Variants in WASHC5 observed in about 807,000 individuals in gnomAD.
WASHC5 encodes the protein WASH complex subunit strumpellin.
In WASHC5, 101 loss-of-function variants were observed where a neutral mutation model predicts 150.4. That is an observed-to-expected ratio of 0.67 (90% confidence interval 0.57 to 0.79). The LOEUF is 0.79. Ranked by LOEUF, WASHC5 falls within the 30% of genes least tolerant of loss-of-function variation. The pLI is 0.00. For missense variants in WASHC5, 1,195 were observed against 1,396.3 expected, an observed-to-expected ratio of 0.86 and a Z score of 2.30; for synonymous variants, 467 against 491.2, an observed-to-expected ratio of 0.95 and a Z score of 0.65.
intron 23 of WASHC5, among the ~76,000 whole-genome samples, chr8:125,042,394 G>C (rs1472371633): frequency 6.6e-6 from 1 of 152,158 alleles, no homozygotes; most frequent in Non-Finnish European, 1.5e-5. Context: ...TCATCGAATA[G>C]CACAGAACAT....
At chr8:125,030,056 A>G (rs1248083929) in intron 27 of WASHC5, among the ~76,000 whole-genome samples, 1 of 152,180 alleles carries the variant, frequency 6.6e-6, no homozygotes, top group Non-Finnish European at 1.5e-5. Context: ...CTGTAGCCTG[A>G]TCACCACCCT....
chr8:125,024,988 G>T (rs1428245368), intron 28 of WASHC5, among the ~76,000 whole-genome samples: 1 of 152,030 alleles, frequency 6.6e-6, no homozygotes, highest in Non-Finnish European at 1.5e-5. Flanking sequence ...CAAGTACTCA[G>T]GTCACCTAAT....
chr8:125,024,357 T>G lies in WASHC5; in HGVS notation c.*260A>C. 2 of 538,070 alleles carry G rather than the reference T, an allele frequency of 3.7e-6. No homozygotes were observed. Among genetic ancestry groups the G allele is most frequent in the Non-Finnish European group, 6.7e-6 (2 of 296,784 alleles). The allele number at this position is 538,070 out of a possible 1,614,324, so 33.3% of individuals were successfully genotyped here. On this transcript the variant is annotated 3_prime_UTR_variant, in exon 29 of 29. Transcript: ENST00000318410. The stretch of plus-strand genomic sequence containing the variant: ...ATGGATTTATACATAACAGTTACAT[T>G]CAGCATTTAAGAGAGGCAGTACAAA...
chr8:125,057,986 G>T (rs1816464449), intron 14 of WASHC5, among the ~76,000 whole-genome samples: 1 of 151,950 alleles, frequency 6.6e-6, no homozygotes, highest in South Asian at 2.1e-4. Flanking sequence ...AGCCCCGCAG[G>T]TGATTCTGAT....
At chr8:125,048,912 A>G (rs1381243720) in intron 19 of WASHC5, 94 bp downstream of exon 19, 4 of 1,050,888 alleles carry the variant, frequency 3.8e-6, no homozygotes, top group East Asian at 5.2e-5. Context: ...ACTATCTAGT[A>G]AACTTTCTTG....
rs181478198 is a variant in WASHC5 at position 125,049,203 on chromosome 8, C to T, written c.2200-18G>A. On this transcript the variant is annotated intron_variant, in intron 18 of 28. Coordinates refer to ENST00000318410, the MANE Select transcript of WASHC5 (RefSeq NM_014846.4). ...TCACTTGGCTGTGGAAAAGGGGAAA[C>T]ATAAAGCTCTTACACTGGAGTAGAT... 2.3e-5 allele frequency: 37 copies of T among 1,613,610 alleles called. No individual in the cohort carries two copies. In the African/African-American group the frequency reaches 4.1e-4, roughly 18 times the overall value.
chr8:125,046,513 T>G (rs1245000297), intron 20 of WASHC5, among the ~76,000 whole-genome samples: 2 of 152,208 alleles, frequency 1.3e-5, no homozygotes, highest in Non-Finnish European at 2.9e-5. Flanking sequence ...GCCTAGGAGC[T>G]GGGCTCTGGA....
At chr8:125,071,591 G>A (rs1436033134) in intron 9 of WASHC5, among the ~76,000 whole-genome samples, 2 of 152,168 alleles carry the variant, frequency 1.3e-5, no homozygotes. Context: ...GTTGGCTCCT[G>A]ATTCCTGTAT....
intron 3 of WASHC5, chr8:125,082,883 G>A: frequency 2.3e-6 from 1 of 435,842 alleles, no homozygotes; most frequent in South Asian, 3.4e-5. Context: ...GAAACTATAT[G>A]ACTTAGTTAA....
Position 125,047,498 on chromosome 8 carries a change from C to A in WASHC5, c.2380-167G>T, listed in dbSNP as rs528568118. ...TGTCCCCCAGGCTGGAGTGCAGTGG[C>A]ATGATCTTGGCTCACTGCAACCTCC... On this transcript the variant is annotated intron_variant, in intron 19 of 28. Coordinates refer to ENST00000318410, the MANE Select transcript of WASHC5 (RefSeq NM_014846.4). Among the ~76,000 whole-genome samples, 4 of 149,542 alleles carry A rather than the reference C, an allele frequency of 2.7e-5. No individual in the cohort carries two copies. In the East Asian group the frequency reaches 8.2e-4, roughly 31 times the overall value.
intron 9 of WASHC5, 90 bp from the exon 10 acceptor site, chr8:125,067,809 A>C (rs1816792783): frequency 7.0e-7 from 1 of 1,429,144 alleles, no homozygotes; most frequent in Non-Finnish European, 9.7e-7. Flanking sequence ...CCTTCATTTT[A>C]ACCATTTAAA....
chr8:125,036,642 C>T (rs1193720729), intron 26 of WASHC5, among the ~76,000 whole-genome samples: 1 of 143,444 alleles, frequency 7.0e-6, no homozygotes, highest in Non-Finnish European at 1.5e-5. Context: ...ACTGTACTCC[C>T]ATCTGAGTGA....
At chr8:125,036,969 C>T (rs999073692) in intron 26 of WASHC5, among the ~76,000 whole-genome samples, 44 of 152,202 alleles carry the variant, frequency 2.9e-4, no homozygotes, top group Admixed American at 2.4e-3. Context: ...GCTGAGACCA[C>T]GCCATCGCGC....
At position 125,057,620 on chromosome 8, in the gene WASHC5, T is replaced by C; in HGVS notation, c.1811A>G (p.Asn604Ser). Residue 604 changes from asparagine to serine, a missense_variant, in exon 15 of 29, where the codon AAT becomes AGT. Transcript: ENST00000318410. Reference sequence around the variant, plus strand: ...TGACACGCTGAGCAGGTCGGGGCTATTTGCCTGATTAATACGAAGAAGGGG... The same window carrying C: ...TGACACGCTGAGCAGGTCGGGGCTACTTGCCTGATTAATACGAAGAAGGGG... ...DLPLLRINQANSPDLLSVSQY... is the reference protein window; with the variant it reads ...DLPLLRINQASSPDLLSVSQY... The C allele has an allele frequency of 6.2e-7, 1 of 1,614,030 alleles. No individual in the cohort carries two copies. The highest frequency in any genetic ancestry group is 8.5e-7 in the Non-Finnish European group (1 of 1,179,948).
chr8:125,029,988 A>G (rs1815480424), intron 27 of WASHC5, among the ~76,000 whole-genome samples: 1 of 152,220 alleles, frequency 6.6e-6, no homozygotes, highest in African/African-American at 2.4e-5. Context: ...CATGCGTCAC[A>G]GGTTCCTTAG....
chr8:125,079,614 T>C lies in WASHC5; in HGVS notation c.519-684A>G, dbSNP rs1008201822. ...TCGGAATATAGCATTTTTCAAATAG[T>C]AAGAGTCATATGGCATATAGATCAT... On this transcript the variant is annotated intron_variant, in intron 5 of 28. Coordinates refer to ENST00000318410, the MANE Select transcript of WASHC5 (RefSeq NM_014846.4). Among the ~76,000 whole-genome samples, 12 of 151,358 alleles carry C rather than the reference T, an allele frequency of 7.9e-5. No homozygotes were observed. In the South Asian group the frequency reaches 2.1e-3, roughly 26 times the overall value.
Position 125,068,026 on chromosome 8 carries a change from C to T in WASHC5, c.1151-307G>A, listed in dbSNP as rs16900344. Among the ~76,000 whole-genome samples the T allele has an allele frequency of 0.026, 4,005 of 152,278 alleles. 183 individuals are homozygous for T. The highest frequency in any genetic ancestry group is 0.092 in the African/African-American group (3,831 of 41,550). ...GTTTGTTTATAGCAACTGTCTAAAA[C>T]GAATGGGCAGAGCCTCCTTGTACTA... On this transcript the variant is annotated intron_variant, in intron 9 of 28. Transcript: ENST00000318410.
intron 8 of WASHC5, among the ~76,000 whole-genome samples, chr8:125,074,436 A>G (rs1396810971): frequency 6.6e-6 from 1 of 152,202 alleles, no homozygotes; most frequent in Non-Finnish European, 1.5e-5. Context: ...AGAAATATCA[A>G]GTATGCTCCC....
At position 125,067,727 on chromosome 8, in the gene WASHC5, C is replaced by T. The variant is rs16900335; in HGVS notation, c.1151-8G>A. The T allele has an allele frequency of 4.7e-3, 7,587 of 1,613,160 alleles. 313 individuals carry two copies. In the African/African-American group the frequency reaches 0.09, roughly 19 times the overall value. ...TGTTGTTTGGGTCACAGGCTAGAAACAGGAAAAGTGTTACCTGCTTACTAA... is the reference window on the plus strand; with the variant it reads ...TGTTGTTTGGGTCACAGGCTAGAAATAGGAAAAGTGTTACCTGCTTACTAA... On this transcript the variant is annotated splice_polypyrimidine_tract_variant and splice_region_variant and intron_variant, in intron 9 of 28. Transcript: ENST00000318410.
Sources: gnomAD v4.1 joint callset for allele counts (sites outside exome capture counted in the v4.1 genomes callset) on GRCh38, gnomAD v4.1.1 for gene constraint, MANE v1.5 for transcripts, NCBI Gene and HGNC (gene_info 2026-07-23, HGNC 2026-07-21) for gene names.